Variants in SPOCK1 observed in about 807,000 individuals in gnomAD.
SPOCK1 encodes SPARC (osteonectin), cwcv and kazal like domains proteoglycan 1.
SPOCK1 carries 23 observed loss-of-function variants against 55.3 expected under a neutral mutation model. That is an observed-to-expected ratio of 0.42 (90% confidence interval 0.30 to 0.59). SPOCK1 has a LOEUF of 0.59. SPOCK1 is among the 20% of genes least tolerant of loss of function. The pLI is 0.22. For synonymous variants in SPOCK1, 226 were observed against 221.0 expected, an observed-to-expected ratio of 1.02 and a Z score of -0.20; for missense variants, 499 against 552.5, an observed-to-expected ratio of 0.90 and a Z score of 0.97.
intron 3 of SPOCK1, among the ~76,000 whole-genome samples, chr5:137,206,709 A>G (rs956948971): frequency 6.6e-6 from 1 of 152,248 alleles, no homozygotes; most frequent in African/African-American, 2.4e-5. Flanking sequence ...CAGCATATTT[A>G]ATTCAAACAG....
chr5:137,496,623 TAGAAA>T (rs1431588627), intron 2 of SPOCK1, among the ~76,000 whole-genome samples: 9 of 152,240 alleles, frequency 5.9e-5, no homozygotes, highest in Middle Eastern at 3.4e-3. Flanking sequence ...AAGATAGCCA[TAGAAA>T]AGTAAAAACA....
At chr5:137,151,052 T>C (rs1242038669) in intron 3 of SPOCK1, among the ~76,000 whole-genome samples, 2 of 152,224 alleles carry the variant, frequency 1.3e-5, no homozygotes, top group African/African-American at 4.8e-5. Flanking sequence ...CTTCTCAGAC[T>C]ATATGGTAGG....
chr5:137,002,908 G>T (rs1751177481), intron 6 of SPOCK1, among the ~76,000 whole-genome samples: 1 of 152,110 alleles, frequency 6.6e-6, no homozygotes, highest in Non-Finnish European at 1.5e-5. Flanking sequence ...TTTTGTTAAT[G>T]TATGAGCTCA....
chr5:137,073,948 G>A (rs1254499816), intron 5 of SPOCK1, among the ~76,000 whole-genome samples: 1 of 152,202 alleles, frequency 6.6e-6, no homozygotes, highest in Non-Finnish European at 1.5e-5. Flanking sequence ...AAGGGTCCAA[G>A]CTAATACCAC....
chr5:137,357,573 C>T (rs985995442), intron 2 of SPOCK1, among the ~76,000 whole-genome samples: 55 of 152,066 alleles, frequency 3.6e-4, no homozygotes, highest in African/African-American at 1.2e-3. Context: ...TCTATAAGAA[C>T]GAGTAGGAGT....
At chr5:137,419,808 G>C (rs1022453257) in intron 2 of SPOCK1, among the ~76,000 whole-genome samples, 9 of 152,138 alleles carry the variant, frequency 5.9e-5, no homozygotes, top group Non-Finnish European at 4.4e-5. Flanking sequence ...TCTCCTGCCA[G>C]TTTTCCCTGG....
chr5:137,364,317 C>G lies in SPOCK1; in HGVS notation c.187-97262G>C, dbSNP rs368072820. Among the ~76,000 whole-genome samples the G allele has an allele frequency of 3.9e-5, 6 of 152,232 alleles. No individual in the cohort carries two copies. In the East Asian group the frequency reaches 7.7e-4, roughly 20 times the overall value. On this transcript the variant is annotated intron_variant, in intron 2 of 10. Transcript: ENST00000394945. ...GCAATGATGTTGGGGAGCGGGGTGACGTTTTTTGCAGCTGTCATGTGCCAG... is the reference window on the plus strand; with the variant it reads ...GCAATGATGTTGGGGAGCGGGGTGAGGTTTTTTGCAGCTGTCATGTGCCAG...
At position 137,024,312 on chromosome 5, in the gene SPOCK1, GA is replaced by G. The variant is rs1435767570; in HGVS notation, c.590-31713del. Among the ~76,000 whole-genome samples the G allele has an allele frequency of 1.8e-3, 119 of 66,746 alleles. 1 individual carries two copies. The highest frequency in any genetic ancestry group is 5.0e-3 in the African/African-American group (98 of 19,684). 43.8% of individuals were successfully genotyped at this position (66,746 alleles called of 152,430 possible). The stretch of plus-strand genomic sequence containing the variant: ...CATAAGCACTAAATTGCACCAGTTT[GA>G]AGGGGGGGGGGTAGTTACAACTGAC... On this transcript the variant is annotated intron_variant, in intron 6 of 10. Coordinates refer to ENST00000394945, the MANE Select transcript of SPOCK1 (RefSeq NM_004598.4).
intron 2 of SPOCK1, among the ~76,000 whole-genome samples, chr5:137,355,260 A>G (rs774360812): frequency 2.2e-4 from 34 of 152,034 alleles, no homozygotes; most frequent in Non-Finnish European, 4.3e-4. Flanking sequence ...TGGCACTACC[A>G]TGGCTCATGG....
intron 2 of SPOCK1, among the ~76,000 whole-genome samples, chr5:137,306,378 G>A (rs972174590): frequency 6.6e-6 from 1 of 152,170 alleles, no homozygotes; most frequent in Non-Finnish European, 1.5e-5. Flanking sequence ...CTCATGCTTT[G>A]TTCCTCTATC....
At chr5:137,234,297 T>A (rs1756130783) in intron 3 of SPOCK1, among the ~76,000 whole-genome samples, 1 of 152,146 alleles carries the variant, frequency 6.6e-6, no homozygotes, top group Admixed American at 6.5e-5. Context: ...TTCAGCCTCT[T>A]ACCCTGCTGG....
chr5:137,093,642 C>G (rs142147474), intron 5 of SPOCK1, among the ~76,000 whole-genome samples: 2 of 152,240 alleles, frequency 1.3e-5, no homozygotes, highest in Non-Finnish European at 2.9e-5. Context: ...GAGAGGGTCT[C>G]TCTGAGGAGA....
intron 3 of SPOCK1, among the ~76,000 whole-genome samples, chr5:137,242,549 A>G (rs775385824): frequency 2.6e-5 from 4 of 152,170 alleles, no homozygotes; most frequent in Non-Finnish European, 4.4e-5. Context: ...CAGTATGAAA[A>G]TGGACTAATA....
intron 2 of SPOCK1, among the ~76,000 whole-genome samples, chr5:137,315,769 C>A (rs1757869200): frequency 6.6e-6 from 1 of 152,214 alleles, no homozygotes; most frequent in African/African-American, 2.4e-5. Flanking sequence ...CCATGAAGAT[C>A]TGCTGAAATG....
chr5:136,978,943 T>C (rs1750671784), intron 10 of SPOCK1, 99 bp from the exon 11 acceptor site: 1 of 1,303,444 alleles, frequency 7.7e-7, no homozygotes, highest in Non-Finnish European at 1.0e-6. Context: ...AACCAAGCAG[T>C]TTACTTTCTG....
At chr5:137,333,409 C>A (rs551982579) in intron 2 of SPOCK1, among the ~76,000 whole-genome samples, 2 of 152,224 alleles carry the variant, frequency 1.3e-5, no homozygotes, top group South Asian at 4.1e-4. Context: ...AGTCAGGAGG[C>A]CACAAGACCT....
intron 5 of SPOCK1, among the ~76,000 whole-genome samples, chr5:137,105,301 CA>C (rs1308735615): frequency 6.6e-6 from 1 of 152,072 alleles, no homozygotes. Context: ...ACCAATAAGC[CA>C]TTTGCAAGTA....
At chr5:137,030,169 T>C (rs1429618791) in intron 6 of SPOCK1, among the ~76,000 whole-genome samples, 4 of 152,216 alleles carry the variant, frequency 2.6e-5, no homozygotes, top group African/African-American at 9.7e-5. Context: ...CACTTAAAAA[T>C]ATATACCGGG....
chr5:137,024,451 C>T (rs550693735), intron 6 of SPOCK1, among the ~76,000 whole-genome samples: 3 of 152,050 alleles, frequency 2.0e-5, no homozygotes, highest in East Asian at 3.9e-4. Context: ...CAACCTTTGA[C>T]CTATTGAAAT....
Sources: allele counts gnomAD v4.1 joint callset (sites outside exome capture counted in the v4.1 genomes callset), GRCh38; gene constraint gnomAD v4.1.1; transcripts MANE v1.5; gene names NCBI Gene and HGNC (gene_info 2026-07-23, HGNC 2026-07-21).